The following SAMD4B variants were observed in gnomAD, a reference collection of about 807,000 sequenced individuals.
The protein encoded by SAMD4B is sterile alpha motif domain containing 4B, also known as protein Smaug homolog 2.
In SAMD4B, 5 loss-of-function variants were observed where a neutral mutation model predicts 74.5. The observed-to-expected ratio is 0.07, with a 90% confidence interval of 0.04 to 0.14. The LOEUF (loss-of-function observed/expected upper bound fraction) is 0.14, where lower values mean the gene tolerates loss of function less well. Ranked by LOEUF, SAMD4B falls within the 10% of genes least tolerant of loss-of-function variation. The pLI, the probability that SAMD4B is intolerant of heterozygous loss-of-function variation, is 1.00. For synonymous variants in SAMD4B, 373 were observed against 374.9 expected (o/e 1.00, Z 0.06); for missense variants, 608 against 921.8 (o/e 0.66, Z 4.41).
chr19:39,370,680 C>G (rs1205840824), intron 4 of SAMD4B, among the ~76,000 whole-genome samples: 1 of 152,202 alleles, frequency 6.6e-6, no homozygotes, highest in African/African-American at 2.4e-5. Context: ...TTTTATGTAT[C>G]TGGCCTCACT....
At chr19:39,366,030 T>G (rs1294044352) in intron 3 of SAMD4B, among the ~76,000 whole-genome samples, 1 of 151,852 alleles carries the variant, frequency 6.6e-6, no homozygotes, top group Non-Finnish European at 1.5e-5. Flanking sequence ...GTGAAAAAAG[T>G]AACAGGCAGG....
At chr19:39,353,116 T>A (rs1224075800) in intron 1 of SAMD4B, among the ~76,000 whole-genome samples, 1 of 152,184 alleles carries the variant, frequency 6.6e-6, no homozygotes, top group Non-Finnish European at 1.5e-5. Context: ...AAGCAGCTGC[T>A]GCCTCTTTGG....
chr19:39,376,755 G>A lies in SAMD4B; in HGVS notation c.1068G>A (p.Leu356=). ...RHKIALSIQK[L]RERQSVLKSL... ...AGATAGCCCTGAGCATCCAGAAGCT[G>A]CGTGAGAGACAGAGCGTCCTCAAGT... The change falls in exon 7 of 14, where the codon CTG becomes CTA. Residue 356 remains leucine (L), a synonymous_variant. Coordinates refer to ENST00000610417, the MANE Select transcript of SAMD4B (RefSeq NM_001384574.2). 6.2e-7 allele frequency: 1 copy of A among 1,614,232 alleles called. No individual in the cohort carries two copies. The highest frequency in any genetic ancestry group is 1.6e-4 in the Middle Eastern group (1 of 6,062).
intron 1 of SAMD4B, among the ~76,000 whole-genome samples, chr19:39,353,367 A>G (rs2145336026): frequency 6.6e-6 from 1 of 152,318 alleles, no homozygotes; most frequent in African/African-American, 2.4e-5. Context: ...ATATAAAGAT[A>G]GTGTTAATAA....
chr19:39,382,197 A>C (rs1176249073), intron 12 of SAMD4B, among the ~76,000 whole-genome samples: 3 of 152,232 alleles, frequency 2.0e-5, no homozygotes, highest in African/African-American at 7.2e-5. Flanking sequence ...GAACCCATCC[A>C]TCATGTTCAT....
At chr19:39,386,667 G>C (rs2078258200), downstream of SAMD4B, 1 of 1,599,488 alleles carries the variant, frequency 6.3e-7, no homozygotes, top group Non-Finnish European at 8.6e-7. The surrounding 1 kb of genome is among the most constrained non-coding windows in gnomAD (Gnocchi z 6.1). Flanking sequence ...CCTGCCATGG[G>C]TGCCCTGAGC....
chr19:39,383,715 G>C lies in SAMD4B; in HGVS notation c.*188G>C. On this transcript the variant is annotated 3_prime_UTR_variant, in exon 14 of 14. Transcript: ENST00000610417. The surrounding 1 kb of genome is among the most constrained non-coding windows in gnomAD (Gnocchi z 4.1). Reference sequence around the variant, plus strand: ...TGCCTTGCTCACTCCCAGGCCCGTCGAGGGATCTCTGCTGAGGCCCGGGGA... The same window carrying C: ...TGCCTTGCTCACTCCCAGGCCCGTCCAGGGATCTCTGCTGAGGCCCGGGGA... 1 of 1,537,480 alleles carries C rather than the reference G, an allele frequency of 6.5e-7. No individual in the cohort carries two copies. The highest frequency in any genetic ancestry group is 8.7e-7 in the Non-Finnish European group (1 of 1,147,248).
At position 39,355,414 on chromosome 19, in the gene SAMD4B, AC is replaced by A. The variant is rs938848540; in HGVS notation, c.-205-1271del. 7.2e-5 allele frequency among the ~76,000 whole-genome samples: 11 copies of A among 152,112 alleles called. 1 individual carries two copies. The highest frequency in any genetic ancestry group is 1.6e-4 in the Non-Finnish European group (11 of 68,022). ...GCAAGTCACAGCTGTTGCCTAATGC[AC>A]CCCACAGCCCTCCTCAGCAAGCGCA... On this transcript the variant is annotated intron_variant, in intron 2 of 13. Transcript: ENST00000610417.
chr19:39,381,881 G>A (rs113023362), intron 12 of SAMD4B, among the ~76,000 whole-genome samples: 194 of 152,324 alleles, frequency 1.3e-3, no homozygotes, highest in African/African-American at 4.4e-3. Context: ...GTAGTGAGCA[G>A]AGATTGTGCC....
intron 1 of SAMD4B, among the ~76,000 whole-genome samples, chr19:39,344,731 C>A (rs1225405662): frequency 6.6e-6 from 1 of 152,188 alleles, no homozygotes. Context: ...GCCCAAGAGC[C>A]TCTATGTTTC....
chr19:39,386,900 C>A (rs1488287020), downstream of SAMD4B: 12 of 765,400 alleles, frequency 1.6e-5, no homozygotes, highest in Non-Finnish European at 2.6e-5. The surrounding 1 kb of genome is among the most constrained non-coding windows in gnomAD (Gnocchi z 6.1). Flanking sequence ...GACTTGGTTC[C>A]CCATCAATAC....
At chr19:39,364,113 C>T (rs904205522) in intron 3 of SAMD4B, among the ~76,000 whole-genome samples, 5 of 152,232 alleles carry the variant, frequency 3.3e-5, no homozygotes, top group Admixed American at 1.3e-4. Context: ...CAAAACCACT[C>T]TCCCCTTTCT....
In SAMD4B at chr19:39,377,729, C is replaced by T. The variant is rs974479228; in HGVS notation, c.1349C>T (p.Pro450Leu). The T allele has an allele frequency of 1.2e-6, 2 of 1,614,132 alleles. No individual in the cohort carries two copies. Among genetic ancestry groups the T allele is most frequent in the East Asian group, 2.2e-5 (1 of 44,894 alleles). The change falls in exon 8 of 14, where the codon CCA (proline) becomes CTA (leucine). Residue 450 changes from proline to leucine, a missense_variant. Physicochemically the swap from Pro to Leu is moderately conservative, Grantham distance 98. Around this residue, in one of 9 missense-constraint regions of SAMD4B, gnomAD observed 99 missense variants for 112.1 expected, o/e 0.88. Coordinates refer to ENST00000610417, the MANE Select transcript of SAMD4B (RefSeq NM_001384574.2). ...CCAGCTGTGGAGAACTACCCACCTC[C>T]ACCAGCTCCAGCTCCCACTGATGGC... ...DPPAVENYPP[P>L]PAPAPTDGSE...
chr19:39,360,343 T>C (rs1309706028), intron 3 of SAMD4B, among the ~76,000 whole-genome samples: 1 of 152,130 alleles, frequency 6.6e-6, no homozygotes, highest in East Asian at 1.9e-4. Context: ...AGAAGTGCTG[T>C]GAAATGAATT....
At chr19:39,355,685 C>A (rs566480287) in intron 2 of SAMD4B, among the ~76,000 whole-genome samples, 1 of 152,274 alleles carries the variant, frequency 6.6e-6, no homozygotes, top group South Asian at 2.1e-4. Context: ...TGTCCAGAAA[C>A]CAACCACCTG....
chr19:39,385,563 C>G lies in SAMD4B; in HGVS notation c.*2036C>G, dbSNP rs974606009. On this transcript the variant is annotated 3_prime_UTR_variant, in exon 14 of 14. Coordinates refer to ENST00000610417, the MANE Select transcript of SAMD4B (RefSeq NM_001384574.2). Reference sequence around the variant, plus strand: ...TCACCCTCCCTACCCACTTCTGTCCCCGGCCCCACTGGCAGAATCAGCTTT... The same window carrying G: ...TCACCCTCCCTACCCACTTCTGTCCGCGGCCCCACTGGCAGAATCAGCTTT... 14 of 499,616 alleles carry G rather than the reference C, an allele frequency of 2.8e-5. No homozygotes were observed. The highest frequency in any genetic ancestry group is 4.5e-5 in the Non-Finnish European group (13 of 286,932). 30.9% of individuals were successfully genotyped at this position (499,616 alleles called of 1,614,324 possible).
At chr19:39,371,678 A>G (rs1014529634) in intron 4 of SAMD4B, among the ~76,000 whole-genome samples, 1 of 152,016 alleles carries the variant, frequency 6.6e-6, no homozygotes, top group Admixed American at 6.6e-5. Context: ...TTAGCTGGGT[A>G]TGGTGGTGCA....
At chr19:39,368,323 G>C (rs1348571371) in intron 3 of SAMD4B, among the ~76,000 whole-genome samples, 2 of 152,182 alleles carry the variant, frequency 1.3e-5, no homozygotes, top group Non-Finnish European at 2.9e-5. Context: ...AACAGCCAGG[G>C]AATGCTTCCT....
At chr19:39,351,611 G>C (rs959899751) in intron 1 of SAMD4B, 6 of 152,042 alleles carry the variant, frequency 3.9e-5, no homozygotes, top group African/African-American at 1.5e-4. Context: ...GGGCCACAAG[G>C]GGGAGGCTTC....
Sources: gnomAD v4.1 joint callset for allele counts (sites outside exome capture counted in the v4.1 genomes callset) on GRCh38, gnomAD v4.1.1 for gene constraint, gnomAD v4.1.1 regional missense constraint, Gnocchi (gnomAD v3.1) non-coding constraint, MANE v1.5 for transcripts, NCBI Gene and HGNC (gene_info 2026-07-23, HGNC 2026-07-21) for gene names.